ZBTB44: variants seen among roughly 807,000 people sequenced by gnomAD.
ZBTB44 encodes the protein zinc finger and BTB domain-containing protein 44.
A neutral mutation model predicts 54.0 loss-of-function variants in ZBTB44; 15 were observed. The ratio of observed to expected loss-of-function variants is 0.28; its 90% CI spans 0.19 to 0.43. ZBTB44 has a LOEUF of 0.43. Among genes scored for constraint, ZBTB44 ranks in the 20% least tolerant of loss-of-function variants. The probability of loss-of-function intolerance (pLI) is 1.00; values close to 1 mark genes in which losing one functional copy is unlikely to be tolerated. For synonymous variants in ZBTB44, 230 were observed against 250.1 expected (o/e 0.92, Z 0.76); for missense variants, 487 against 707.1 (o/e 0.69, Z 3.53).
intron 1 of ZBTB44, among the ~76,000 whole-genome samples, chr11:130,307,061 A>T (rs1316802804): frequency 6.6e-6 from 1 of 150,964 alleles, no homozygotes; most frequent in African/African-American, 2.4e-5. Context: ...AAAAAAAATC[A>T]AAGAACAAGC....
chr11:130,294,413 A>AAAAAAT lies in ZBTB44; in HGVS notation c.-57+19956_-57+19961dup, dbSNP rs560293483. ...GGTGACAGAGAGAGACTCTGTCTTA[A>AAAAAAT]AAAAATAAAAATAAAAATAAAAATA... On this transcript the variant is annotated intron_variant, in intron 1 of 7. Coordinates refer to ENST00000357899, the MANE Select transcript of ZBTB44 (RefSeq NM_001301098.2). Among the ~76,000 whole-genome samples, 326 of 147,392 alleles carry AAAAAAT rather than the reference A, an allele frequency of 2.2e-3. 1 individual carries two copies. The highest frequency in any genetic ancestry group is 4.8e-3 in the South Asian group (23 of 4,764).
chr11:130,242,947 G>A (rs916219756), intron 2 of ZBTB44, among the ~76,000 whole-genome samples: 5 of 152,160 alleles, frequency 3.3e-5, no homozygotes, highest in African/African-American at 9.7e-5. Context: ...TAGCACTGAA[G>A]TAATTTCTTC....
At position 130,235,945 on chromosome 11, in the gene ZBTB44, G is replaced by C. The variant is rs1171212971; in HGVS notation, c.1568+848C>G. ...AAATCGTGCCACTGCATTCCAGCCTGGGTGACAGTGAGACTCCATCTCAAA... is the reference window on the plus strand; with the variant it reads ...AAATCGTGCCACTGCATTCCAGCCTCGGTGACAGTGAGACTCCATCTCAAA... On this transcript the variant is annotated intron_variant, in intron 5 of 7. Coordinates refer to ENST00000357899, the MANE Select transcript of ZBTB44 (RefSeq NM_001301098.2). Among the ~76,000 whole-genome samples, 7 of 151,514 alleles carry C rather than the reference G, an allele frequency of 4.6e-5. No individual in the cohort carries two copies. The East Asian group carries it at 1.4e-3, about 29-fold the overall frequency.
intron 1 of ZBTB44, among the ~76,000 whole-genome samples, chr11:130,275,867 C>T (rs960482125): frequency 5.9e-5 from 9 of 151,784 alleles, no homozygotes; most frequent in East Asian, 2.0e-4. Context: ...GCCTCGTGAT[C>T]GGCCCACCTT....
intron 1 of ZBTB44, among the ~76,000 whole-genome samples, chr11:130,309,094 GC>G (rs1942437674): frequency 6.6e-6 from 1 of 152,130 alleles, no homozygotes; most frequent in African/African-American, 2.4e-5. Flanking sequence ...TATCAGTACT[GC>G]ACATAGCCCT....
intron 2 of ZBTB44, among the ~76,000 whole-genome samples, chr11:130,245,524 GTAT>G (rs1456402632): frequency 1.3e-5 from 2 of 152,190 alleles, no homozygotes; most frequent in Non-Finnish European, 2.9e-5. Context: ...AGCACAGACA[GTAT>G]TAAAGCGTAC....
intron 1 of ZBTB44, chr11:130,296,517 T>C: frequency 1.1e-6 from 1 of 891,186 alleles, no homozygotes; most frequent in Non-Finnish European, 1.8e-6. Flanking sequence ...GGACTGGACA[T>C]TCCTCAAGTC....
chr11:130,241,104 A>T (rs574054695), intron 2 of ZBTB44, among the ~76,000 whole-genome samples: 1 of 152,298 alleles, frequency 6.6e-6, no homozygotes, highest in East Asian at 1.9e-4. Context: ...ATTCATCATT[A>T]TCCATTTTAC....
intron 2 of ZBTB44, among the ~76,000 whole-genome samples, chr11:130,250,919 C>G (rs1163606056): frequency 6.6e-6 from 1 of 152,166 alleles, no homozygotes. Context: ...AGCGAGGGCA[C>G]AACACTGGAC....
chr11:130,236,540 A>T, intron 5 of ZBTB44: 2 of 362,846 alleles, frequency 5.5e-6, no homozygotes, highest in Non-Finnish European at 9.6e-6. Context: ...AAATATCTCA[A>T]GAGGACAAGT....
At chr11:130,247,757 C>T (rs535951701) in intron 2 of ZBTB44, among the ~76,000 whole-genome samples, 29 of 152,194 alleles carry the variant, frequency 1.9e-4, no homozygotes, top group African/African-American at 5.5e-4. Flanking sequence ...AAAAAACCCA[C>T]GTATTTCATG....
At chr11:130,297,262 CAAGAGCAGAGCAAGAATATTAG>C (rs1443530324) in intron 1 of ZBTB44, among the ~76,000 whole-genome samples, 1 of 152,048 alleles carries the variant, frequency 6.6e-6, no homozygotes, top group African/African-American at 2.4e-5. Context: ...CTTGGTTGCC[CAAGAGCAGAGCAAGAATATTAG>C]GTCTTTCTTG....
At chr11:130,258,775 G>C (rs1205271504) in intron 2 of ZBTB44, among the ~76,000 whole-genome samples, 2 of 152,196 alleles carry the variant, frequency 1.3e-5, no homozygotes, top group East Asian at 3.8e-4. Flanking sequence ...AGCTGAAGAT[G>C]AAATGAGCAT....
chr11:130,300,106 C>T (rs532680849), intron 1 of ZBTB44, among the ~76,000 whole-genome samples: 1 of 152,252 alleles, frequency 6.6e-6, no homozygotes, highest in East Asian at 1.9e-4. Context: ...ACTTAGAGGA[C>T]ACTCAAATTC....
At chr11:130,234,022 T>C in intron 6 of ZBTB44, 134 bp downstream of exon 6, 1 of 1,522,608 alleles carries the variant, frequency 6.6e-7, no homozygotes, top group Non-Finnish European at 8.8e-7. Context: ...CAGCTCTGAT[T>C]TTGGGGGGTC....
Position 130,229,986 on chromosome 11 carries a change from T to C in ZBTB44, c.*1778A>G, listed in dbSNP as rs1300819103. On this transcript the variant is annotated 3_prime_UTR_variant, in exon 8 of 8. Transcript: ENST00000357899. ...TACTTTGCAGATGACTGAAACAAAG[T>C]AACATATGAAAGTTTCTAATTCTTT... The C allele has an allele frequency of 6.6e-6, 1 of 152,090 alleles. No individual in the cohort carries two copies. The highest frequency in any genetic ancestry group is 2.4e-5 in the African/African-American group (1 of 41,448). 9.4% of individuals were successfully genotyped at this position (152,090 alleles called of 1,614,324 possible).
chr11:130,296,116 T>G, intron 1 of ZBTB44: 1 of 1,535,656 alleles, frequency 6.5e-7, no homozygotes, highest in Non-Finnish European at 9.0e-7. Context: ...TTTGCCAACA[T>G]GTAGACAGAC....
At chr11:130,310,069 A>C (rs867518257) in intron 1 of ZBTB44, 1 of 152,114 alleles carries the variant, frequency 6.6e-6, no homozygotes. Context: ...TAATCTTAGC[A>C]CTTTGGGAGG....
intron 1 of ZBTB44, chr11:130,295,656 A>G (rs1201811020): frequency 8.3e-7 from 1 of 1,212,036 alleles, no homozygotes; most frequent in South Asian, 1.3e-5. Context: ...TTTTACCAAC[A>G]TGACTGAAAT....
Sources: allele counts gnomAD v4.1 joint callset (sites outside exome capture counted in the v4.1 genomes callset), GRCh38; gene constraint gnomAD v4.1.1; transcripts MANE v1.5; gene names NCBI Gene and HGNC (gene_info 2026-07-23, HGNC 2026-07-21).